Variants in RIMBP2 observed in about 807,000 individuals in gnomAD.
The protein encoded by RIMBP2 is RIMS binding protein 2, also known as RIMS-binding protein 2.
In RIMBP2, 48 loss-of-function variants were observed where a neutral mutation model predicts 118.6. The observed-to-expected ratio is 0.40, with a 90% CI of 0.32 to 0.51. RIMBP2 has a LOEUF of 0.51. Ranked by LOEUF, RIMBP2 falls within the 20% of genes least tolerant of loss-of-function variation. The probability of loss-of-function intolerance (pLI) is 0.41; values close to 1 mark genes in which losing one functional copy is unlikely to be tolerated. For missense variants in RIMBP2, 1,551 were observed against 1,768.3 expected, an observed-to-expected ratio of 0.88 and a Z score of 2.20; for synonymous variants, 762 against 742.9, an observed-to-expected ratio of 1.03 and a Z score of -0.42.
chr12:130,634,577 G>A (rs1245628135), intron 1 of RIMBP2, among the ~76,000 whole-genome samples: 1 of 139,092 alleles, frequency 7.2e-6, no homozygotes, highest in Non-Finnish European at 1.6e-5. Context: ...AAAGAAACCT[G>A]CCTCTCTTTA....
At chr12:130,462,702 G>A (rs773415016) in intron 6 of RIMBP2, among the ~76,000 whole-genome samples, 2 of 152,198 alleles carry the variant, frequency 1.3e-5, no homozygotes, top group Non-Finnish European at 2.9e-5. Flanking sequence ...TGCTTTCCCC[G>A]AATGAGCATC....
chr12:130,438,453 A>G lies in RIMBP2; in HGVS notation c.1568T>C (p.Val523Ala). 1 of 1,612,744 alleles carries G rather than the reference A, an allele frequency of 6.2e-7. No homozygotes were observed. Among genetic ancestry groups the G allele is most frequent in the Non-Finnish European group, 8.5e-7 (1 of 1,179,662 alleles). ...CGTCAGCACAGGTGGTCTCCAGGAG[A>G]CCCGGATGGTGGCGGGGGTCACCCC... ...QAGVTPATIRVSWRPPVLTPT... is the reference protein window; with the variant it reads ...QAGVTPATIRASWRPPVLTPT... The change falls in exon 12 of 23, where the codon GTC becomes GCC. Residue 523 changes from valine to alanine, a missense_variant. By Grantham distance (64) the Val-to-Ala change is moderately conservative. This residue lies in a region of RIMBP2 where 1,038 missense variants were observed against 1,125.1 expected (regional missense o/e 0.92). Coordinates refer to ENST00000690449, the MANE Select transcript of RIMBP2 (RefSeq NM_001393629.1).
At chr12:130,486,181 G>A (rs919105989) in intron 4 of RIMBP2, among the ~76,000 whole-genome samples, 1 of 152,114 alleles carries the variant, frequency 6.6e-6, no homozygotes, top group South Asian at 2.1e-4. Flanking sequence ...AGGCAGCCGA[G>A]GAGTCCCTGC....
At chr12:130,657,706 G>A (rs935942954) in intron 1 of RIMBP2, 4 of 80,502 alleles carry the variant, frequency 5.0e-5, no homozygotes, top group Admixed American at 5.0e-4. Flanking sequence ...GCTGCGGGGG[G>A]CAGTGAGGGC....
chr12:130,478,654 T>C (rs1021312402), intron 5 of RIMBP2, among the ~76,000 whole-genome samples: 3 of 152,224 alleles, frequency 2.0e-5, no homozygotes, highest in African/African-American at 7.2e-5. Flanking sequence ...TCTACGCATG[T>C]GTTTTTCCCG....
intron 5 of RIMBP2, among the ~76,000 whole-genome samples, chr12:130,473,834 G>A (rs947137400): frequency 1.3e-5 from 2 of 152,182 alleles, no homozygotes; most frequent in African/African-American, 2.4e-5. Flanking sequence ...CAATCTGAGG[G>A]CAGCACAGCA....
chr12:130,464,613 G>A (rs1237194714), intron 6 of RIMBP2, among the ~76,000 whole-genome samples: 2 of 152,214 alleles, frequency 1.3e-5, no homozygotes, highest in African/African-American at 4.8e-5. Flanking sequence ...GTCATGCATT[G>A]CTGCTGACTC....
rs2076664297 is a variant in RIMBP2 at position 130,424,738 on chromosome 12, A to G, written c.2533T>C (p.Cys845Arg). ...GCACCCTGCTTGTGTAGCAGCCCACAGCACTCTCCGTCCTCTTCCGCTACT... is the reference window on the plus strand; with the variant it reads ...GCACCCTGCTTGTGTAGCAGCCCACGGCACTCTCCGTCCTCTTCCGCTACT... ...PEVAEEDGECCGLLHKQGAGP... is the reference protein window; with the variant it reads ...PEVAEEDGECRGLLHKQGAGP... Residue 845 changes from cysteine to arginine, a missense_variant, in exon 16 of 23, where the codon TGT becomes CGT. Cys to Arg is a radical substitution (Grantham distance 180, BLOSUM62 -3). This residue lies in a region of RIMBP2 where 1,038 missense variants were observed against 1,125.1 expected (regional missense o/e 0.92). Transcript: ENST00000690449. This position sits in a 1 kb window ranked among gnomAD's most constrained non-coding sequence, Gnocchi z 9.8. 8.1e-7 allele frequency: 1 copy of G among 1,232,212 alleles called. No homozygotes were observed. The highest frequency in any genetic ancestry group is 1.0e-6 in the Non-Finnish European group (1 of 988,060). 76.3% of individuals were successfully genotyped at this position (1,232,212 alleles called of 1,614,324 possible). A position where few individuals can be genotyped will look rare whatever the true frequency, so the allele number is the denominator to read the frequency against.
At chr12:130,580,418 G>C (rs2058389873) in intron 2 of RIMBP2, among the ~76,000 whole-genome samples, 1 of 152,108 alleles carries the variant, frequency 6.6e-6, no homozygotes, top group South Asian at 2.1e-4. Context: ...AAGTGCTCTT[G>C]GCTGCCGCCA....
intron 2 of RIMBP2, among the ~76,000 whole-genome samples, chr12:130,580,110 A>C (rs1365676750): frequency 6.6e-6 from 1 of 151,578 alleles, no homozygotes; most frequent in African/African-American, 2.4e-5. Flanking sequence ...AGGCAGGAGA[A>C]TCACTTGAAC....
At position 130,424,389 on chromosome 12, in the gene RIMBP2, C is replaced by T. The variant is rs1427829530; in HGVS notation, c.2882G>A (p.Arg961Gln). ...GCTGCTCTGCCGGGTCAGCGTCCGCCGCCGGGCCAGCAGCGGCCTCGGGCC... is the reference window on the plus strand; with the variant it reads ...GCTGCTCTGCCGGGTCAGCGTCCGCTGCCGGGCCAGCAGCGGCCTCGGGCC... The part of the protein sequence containing the change: ...RRGPRPLLAR[R>Q]RTLTRQSSVE... Residue 961 changes from arginine (R) to glutamine (Q), a missense_variant, in exon 16 of 23, where the codon CGG becomes CAG. Coordinates refer to ENST00000690449, the MANE Select transcript of RIMBP2 (RefSeq NM_001393629.1). This position sits in a 1 kb window ranked among gnomAD's most constrained non-coding sequence, Gnocchi z 9.8. 43 of 1,232,568 alleles carry T rather than the reference C, an allele frequency of 3.5e-5. No homozygotes were observed. The highest frequency in any genetic ancestry group is 6.2e-4 in the Middle Eastern group (2 of 3,230). 76.4% of individuals were successfully genotyped at this position (1,232,568 alleles called of 1,614,324 possible).
intron 2 of RIMBP2, among the ~76,000 whole-genome samples, chr12:130,579,794 C>T (rs986556095): frequency 8.6e-5 from 13 of 151,876 alleles, no homozygotes; most frequent in African/African-American, 3.1e-4. Flanking sequence ...AGACCAGAAG[C>T]GATGGTGAAG....
intron 1 of RIMBP2, among the ~76,000 whole-genome samples, chr12:130,638,132 G>T (rs939450547): frequency 6.6e-6 from 1 of 152,116 alleles, no homozygotes; most frequent in Non-Finnish European, 1.5e-5. Context: ...CCAATGTCTT[G>T]CCTTCTTGAT....
rs995688428 is a variant in RIMBP2, at chr12:130,434,962, C to T, written c.2107-82G>A. 3.4e-6 allele frequency: 5 copies of T among 1,450,854 alleles called. No individual in the cohort carries two copies. In the African/African-American group the frequency reaches 7.1e-5, roughly 21 times the overall value. The allele number at this position is 1,450,854 out of a possible 1,614,324, so 89.9% of individuals were successfully genotyped here. The stretch of plus-strand genomic sequence containing the variant: ...GCCCCACCTGCATTCACCAAACCTT[C>T]AGCCCCTCAGAGCCTGGCCAGGCAC... On this transcript the variant is annotated intron_variant, in intron 13 of 22. Coordinates refer to ENST00000690449, the MANE Select transcript of RIMBP2 (RefSeq NM_001393629.1). The surrounding 1 kb of genome is among the most constrained non-coding windows in gnomAD (Gnocchi z 5.7).
chr12:130,495,436 C>CG (rs1267663886), intron 4 of RIMBP2, among the ~76,000 whole-genome samples: 1 of 40,426 alleles, frequency 2.5e-5, no homozygotes, highest in Non-Finnish European at 4.5e-5. Context: ...TGAAGTGTCA[C>CG]CCCCTAACAG....
chr12:130,434,718 C>T lies in RIMBP2; in HGVS notation c.2253+16G>A. 1 of 1,608,966 alleles carries T rather than the reference C, an allele frequency of 6.2e-7. No homozygotes were observed. The highest frequency in any genetic ancestry group is 8.5e-7 in the Non-Finnish European group (1 of 1,178,754). ...CGCCCACCAGGAGGATGGTGTGGGG[C>T]CCGGCCCGCTCTCACCTGCTTGCCA... On this transcript the variant is annotated intron_variant, in intron 14 of 22. Coordinates refer to ENST00000690449, the MANE Select transcript of RIMBP2 (RefSeq NM_001393629.1). The surrounding 1 kb of genome is among the most constrained non-coding windows in gnomAD (Gnocchi z 5.7).
chr12:130,589,689 C>T (rs1029184773), intron 2 of RIMBP2, among the ~76,000 whole-genome samples: 3 of 152,114 alleles, frequency 2.0e-5, no homozygotes, highest in African/African-American at 2.4e-5. Flanking sequence ...ATAAATAGAT[C>T]GAAACATCAC....
At chr12:130,500,478 AAAAT>A (rs895282611) in intron 4 of RIMBP2, among the ~76,000 whole-genome samples, 12 of 152,296 alleles carry the variant, frequency 7.9e-5, no homozygotes, top group East Asian at 3.9e-4. Flanking sequence ...CAAACAACAA[AAAAT>A]AAATAAATAA....
rs117282765 is a variant in RIMBP2 at position 130,525,980 on chromosome 12, A to G, written c.-216-8063T>C. ...CCGGGCTGTGCAGCTGTCAGGTTTGAGACCCCCTCCTCCCTGCCCCAATTT... is the reference window on the plus strand; with the variant it reads ...CCGGGCTGTGCAGCTGTCAGGTTTGGGACCCCCTCCTCCCTGCCCCAATTT... On this transcript the variant is annotated intron_variant, in intron 2 of 22. Coordinates refer to ENST00000690449, the MANE Select transcript of RIMBP2 (RefSeq NM_001393629.1). The surrounding 1 kb of genome is among the most constrained non-coding windows in gnomAD (Gnocchi z 4.4). 4.6e-3 allele frequency among the ~76,000 whole-genome samples: 697 copies of G among 152,072 alleles called. 9 individuals are homozygous for G. Among genetic ancestry groups the G allele is most frequent in the South Asian group, 0.015 (73 of 4,810 alleles).
Sources: gnomAD v4.1 joint callset for allele counts (sites outside exome capture counted in the v4.1 genomes callset) on GRCh38, gnomAD v4.1.1 for gene constraint, gnomAD v4.1.1 regional missense constraint, Gnocchi (gnomAD v3.1) non-coding constraint, MANE v1.5 for transcripts, NCBI Gene and HGNC (gene_info 2026-07-23, HGNC 2026-07-21) for gene names.